The following RIPOR2 variants were observed in gnomAD, a reference collection of about 807,000 sequenced individuals.
RIPOR2 encodes the protein rho family-interacting cell polarization regulator 2.
Under a neutral mutation model 114.5 loss-of-function variants are expected in RIPOR2, and 39 were observed. That is an observed-to-expected ratio of 0.34 (90% CI 0.26 to 0.44). RIPOR2 has a LOEUF of 0.44. Among genes scored for constraint, RIPOR2 ranks in the 20% least tolerant of loss-of-function variants. The pLI is 1.00. For synonymous variants in RIPOR2, 445 were observed against 484.4 expected (o/e 0.92, Z 1.07); for missense variants, 1,007 against 1,255.1 (o/e 0.80, Z 2.99).
chr6:24,870,531 GT>G (rs1428466071), intron 5 of RIPOR2, among the ~76,000 whole-genome samples: 2 of 152,158 alleles, frequency 1.3e-5, no homozygotes, highest in African/African-American at 4.8e-5. Flanking sequence ...TTGAGACAGG[GT>G]TTTGCTCTCT....
At chr6:25,005,692 G>GAGAT (rs1294829308) in intron 1 of RIPOR2, among the ~76,000 whole-genome samples, 9 of 45,592 alleles carry the variant, frequency 2.0e-4, no homozygotes, top group Admixed American at 1.1e-3. Flanking sequence ...AATCCCTATG[G>GAGAT]AGATATATAT....
chr6:24,949,910 A>G (rs1772662608), intron 1 of RIPOR2, among the ~76,000 whole-genome samples: 1 of 152,268 alleles, frequency 6.6e-6, no homozygotes, highest in Non-Finnish European at 1.5e-5. Context: ...AGTTTTAACA[A>G]AGTACCAAAT....
At chr6:24,915,207 T>A (rs1321862016) in intron 1 of RIPOR2, among the ~76,000 whole-genome samples, 4 of 152,224 alleles carry the variant, frequency 2.6e-5, no homozygotes, top group African/African-American at 9.6e-5. Context: ...GCCACCCAGA[T>A]CCAGGGCCAA....
At chr6:24,955,342 A>G (rs1206811233) in intron 1 of RIPOR2, among the ~76,000 whole-genome samples, 1 of 152,162 alleles carries the variant, frequency 6.6e-6, no homozygotes, top group Non-Finnish European at 1.5e-5. Context: ...GTAACCTCTC[A>G]TCAGCCTTGG....
rs1329296569 is a variant in RIPOR2 at position 24,830,545 on chromosome 6, T to A, written c.2470A>T (p.Thr824Ser). Residue 824 changes from threonine (T) to serine (S), a missense_variant, in exon 17 of 22, where the codon ACT becomes TCT. Coordinates refer to ENST00000643898, the MANE Select transcript of RIPOR2 (RefSeq NM_001286445.3). ...AGTCCTGGATATTCTTTGTTGACAG[T>A]TCTGGCAAAGCTGGCCTCCAGCTGC... ...MKQLEASFAR[T>S]VNKEYPGLAD... 90 of 1,551,078 alleles carry A rather than the reference T, an allele frequency of 5.8e-5. 1 individual carries two copies. The East Asian group carries it at 1.8e-3, about 31-fold the overall frequency.
chr6:24,836,444 AC>A (rs1170212926), intron 14 of RIPOR2, among the ~76,000 whole-genome samples: 1 of 151,956 alleles, frequency 6.6e-6, no homozygotes, highest in East Asian at 1.9e-4. Context: ...TTTTGTTTAA[AC>A]CCCCTTGTTG....
Position 25,037,845 on chromosome 6 carries a change from C to T in RIPOR2, c.76+4006G>A, listed in dbSNP as rs116317171. On this transcript the variant is annotated intron_variant, in intron 1 of 13. Transcript: ENST00000510784. This position sits in a 1 kb window ranked among gnomAD's most constrained non-coding sequence, Gnocchi z 4.5. ...GTACCAGGTATTTTACTAAGGGTTA[C>T]AGGCATGCAGAGCTTATTAAGGATT... is the stretch of plus-strand genomic sequence containing the variant. Among the ~76,000 whole-genome samples the T allele has an allele frequency of 4.4e-3, 663 of 151,880 alleles. No individual in the cohort carries two copies. Among genetic ancestry groups the T allele is most frequent in the African/African-American group, 0.015 (621 of 41,506 alleles).
At chr6:24,831,764 A>T (rs2113684648) in intron 16 of RIPOR2, among the ~76,000 whole-genome samples, 1 of 152,324 alleles carries the variant, frequency 6.6e-6, no homozygotes, top group African/African-American at 2.4e-5. Flanking sequence ...CACAAATTCA[A>T]AGGCATCTTT....
At chr6:25,028,227 C>T (rs902521858) in intron 1 of RIPOR2, among the ~76,000 whole-genome samples, 1 of 152,174 alleles carries the variant, frequency 6.6e-6, no homozygotes, top group Non-Finnish European at 1.5e-5. Flanking sequence ...CATCGCCAGC[C>T]CTTGTTCTGC....
chr6:24,920,206 C>G (rs963281811), intron 1 of RIPOR2, among the ~76,000 whole-genome samples: 7 of 152,206 alleles, frequency 4.6e-5, no homozygotes, highest in African/African-American at 1.7e-4. Flanking sequence ...TGCTTGCCAG[C>G]CTTCTGTTAG....
At chr6:24,888,781 T>C (rs969780644) in intron 1 of RIPOR2, among the ~76,000 whole-genome samples, 6 of 152,250 alleles carry the variant, frequency 3.9e-5, no homozygotes, top group Admixed American at 6.5e-5. Context: ...ATTTTTCATA[T>C]GGCCAATTAA....
In RIPOR2 at chr6:24,927,318, T is replaced by TACAACTACAGTTACC. The variant is rs1771011657; in HGVS notation, c.61+8519_61+8520insGGTAACTGTAGTTGT. 3.2e-3 allele frequency among the ~76,000 whole-genome samples: 13 copies of TACAACTACAGTTACC among 4,020 alleles called. 1 individual carries two copies. Among genetic ancestry groups the TACAACTACAGTTACC allele is most frequent in the African/African-American group, 0.011 (11 of 1,044 alleles). The allele number at this position is 4,020 out of a possible 152,430, so 2.6% of individuals were successfully genotyped here. ...CCACCACCACCACAACTACAATCAC[T>TACAACTACAGTTACC]ACCACCATCACCACCACCACCACCA... On this transcript the variant is annotated intron_variant, in intron 1 of 21. Coordinates refer to ENST00000643898, the MANE Select transcript of RIPOR2 (RefSeq NM_001286445.3).
At chr6:24,828,383 T>G (rs1562226921) in intron 17 of RIPOR2, 88 bp from the exon 18 acceptor site, 1 of 1,191,546 alleles carries the variant, frequency 8.4e-7, no homozygotes, top group Non-Finnish European at 1.1e-6. Context: ...TTTATTTTTA[T>G]TTTAGAGACA....
chr6:24,915,391 G>A (rs920736821), intron 1 of RIPOR2, among the ~76,000 whole-genome samples: 3 of 140,294 alleles, frequency 2.1e-5, no homozygotes, highest in South Asian at 4.4e-4. Flanking sequence ...GTCTCGCTCT[G>A]TCACCCAGGC....
intron 15 of RIPOR2, among the ~76,000 whole-genome samples, chr6:24,832,954 C>T (rs779195585): frequency 5.9e-5 from 9 of 152,124 alleles, no homozygotes; most frequent in African/African-American, 9.7e-5. Flanking sequence ...CCCAATGAGG[C>T]GGGTCTTATT....
intron 1 of RIPOR2, among the ~76,000 whole-genome samples, chr6:25,018,365 C>T (rs1391157955): frequency 6.6e-6 from 1 of 152,138 alleles, no homozygotes; most frequent in Admixed American, 6.5e-5. Context: ...ACAGAATAAT[C>T]TACCACCAAA....
chr6:24,964,009 C>T (rs573332627), intron 1 of RIPOR2, among the ~76,000 whole-genome samples: 15 of 152,090 alleles, frequency 9.9e-5, no homozygotes, highest in African/African-American at 1.2e-4. Flanking sequence ...CTCCTGCCTC[C>T]GCCTTCCATG....
At position 24,852,652 on chromosome 6, in the gene RIPOR2, A is replaced by T; in HGVS notation, c.716-34T>A. 3 of 1,551,506 alleles carry T rather than the reference A, an allele frequency of 1.9e-6. No homozygotes were observed. In the South Asian group the frequency reaches 3.6e-5, roughly 18 times the overall value. On this transcript the variant is annotated intron_variant, in intron 8 of 21. Transcript: ENST00000643898. The stretch of plus-strand genomic sequence containing the variant: ...AAGAAATTGGAAGGTGAGGTGTAGA[A>T]CATATTTCCCCTCTCTATAGACACA...
chr6:24,888,655 A>G (rs1332853167), intron 1 of RIPOR2, among the ~76,000 whole-genome samples: 1 of 152,214 alleles, frequency 6.6e-6, no homozygotes, highest in Non-Finnish European at 1.5e-5. Flanking sequence ...GTCCAGTAGG[A>G]AATTGAATTG....
Sources: allele counts gnomAD v4.1 joint callset (sites outside exome capture counted in the v4.1 genomes callset), GRCh38; gene constraint gnomAD v4.1.1; non-coding constraint Gnocchi (gnomAD v3.1); transcripts MANE v1.5; gene names NCBI Gene and HGNC (gene_info 2026-07-23, HGNC 2026-07-21).